MGAT4C: variants seen among roughly 807,000 people sequenced by gnomAD.
MGAT4C encodes the protein alpha-1,3-mannosyl-glycoprotein 4-beta-N-acetylglucosaminyltransferase C.
Under a neutral mutation model 40.1 loss-of-function variants are expected in MGAT4C, and 19 were observed. That is an observed-to-expected ratio of 0.47 (90% CI 0.33 to 0.70). The LOEUF (loss-of-function observed/expected upper bound fraction) is 0.70. Ranked by LOEUF, MGAT4C falls within the 30% of genes least tolerant of loss-of-function variation. The pLI is 0.02. For synonymous variants in MGAT4C, 181 were observed against 187.1 expected (o/e 0.97, Z 0.27); for missense variants, 491 against 563.2 (o/e 0.87, Z 1.30).
rs988708715 is a variant in MGAT4C at position 85,967,829 on chromosome 12, G to A, written c.*11460C>T. The A allele has an allele frequency of 6.6e-6, 1 of 152,004 alleles. No homozygotes were observed. Among genetic ancestry groups the A allele is most frequent in the African/African-American group, 2.4e-5 (1 of 41,426 alleles). 9.4% of individuals were successfully genotyped at this position (152,004 alleles called of 1,614,324 possible). A position where few individuals can be genotyped will look rare whatever the true frequency, so the allele number is the denominator to read the frequency against. On this transcript the variant is annotated 3_prime_UTR_variant, in exon 5 of 5. Transcript: ENST00000611864. ...GTGAATATGTGTGTGTGAATTATCT[G>A]TGTATATTTACATAATTTACACTAT...
At chr12:86,791,537 C>T (rs1424422308) in intron 1 of MGAT4C, among the ~76,000 whole-genome samples, 1 of 151,028 alleles carries the variant, frequency 6.6e-6, no homozygotes, top group African/African-American at 2.4e-5. Context: ...GAATAAAAAG[C>T]TTTATTTCCT....
At chr12:86,253,370 G>T (rs986438394) in intron 1 of MGAT4C, among the ~76,000 whole-genome samples, 8 of 151,714 alleles carry the variant, frequency 5.3e-5, no homozygotes, top group South Asian at 2.1e-4. Context: ...GAAAGAAAGA[G>T]AAATTGATTG....
At position 86,014,978 on chromosome 12, in the gene MGAT4C, CT is replaced by C. The variant is rs113674418; in HGVS notation, c.-6-25427del. ...TCTTTATTTTTCATTTTCTTTCTTTCTTTTTTTTTTTTTTTGGAGAGGTGGG... is the reference window on the plus strand; with the variant it reads ...TCTTTATTTTTCATTTTCTTTCTTTCTTTTTTTTTTTTTTGGAGAGGTGGG... On this transcript the variant is annotated intron_variant, in intron 2 of 4. Coordinates refer to ENST00000611864, the MANE Select transcript of MGAT4C (RefSeq NM_001351288.2). 4.2e-3 allele frequency among the ~76,000 whole-genome samples: 569 copies of C among 134,536 alleles called. 4 individuals carry two copies. Among genetic ancestry groups the C allele is most frequent in the African/African-American group, 0.012 (438 of 35,988 alleles). The allele number at this position is 134,536 out of a possible 152,430, so 88.3% of individuals were successfully genotyped here.
intron 1 of MGAT4C, among the ~76,000 whole-genome samples, chr12:86,175,515 G>A (rs1194260664): frequency 2.6e-5 from 4 of 151,986 alleles, no homozygotes; most frequent in Non-Finnish European, 5.9e-5. Flanking sequence ...GTCTTCTTCT[G>A]GTGAATCTGC....
chr12:86,687,949 T>C (rs1401620148), intron 2 of MGAT4C, among the ~76,000 whole-genome samples: 2 of 152,174 alleles, frequency 1.3e-5, no homozygotes, highest in Non-Finnish European at 2.9e-5. Context: ...AGTCTCCCAC[T>C]ATTATTGTGT....
chr12:86,686,272 G>T (rs1950070888), intron 2 of MGAT4C, among the ~76,000 whole-genome samples: 1 of 152,020 alleles, frequency 6.6e-6, no homozygotes, highest in Non-Finnish European at 1.5e-5. Context: ...AGACAATGGG[G>T]TTTTCTGCAA....
At chr12:86,383,314 G>A (rs1023572282) in intron 3 of MGAT4C, among the ~76,000 whole-genome samples, 1 of 151,910 alleles carries the variant, frequency 6.6e-6, no homozygotes, top group Admixed American at 6.6e-5. Context: ...CACTTTGGGA[G>A]GCCAAGGTGG....
chr12:86,230,745 A>T (rs1951283280), intron 1 of MGAT4C, among the ~76,000 whole-genome samples: 1 of 152,156 alleles, frequency 6.6e-6, no homozygotes, highest in Admixed American at 6.5e-5. Context: ...GCAACACAAA[A>T]GGAATTTCAC....
intron 3 of MGAT4C, among the ~76,000 whole-genome samples, chr12:85,983,899 A>G (rs1198781480): frequency 6.6e-6 from 1 of 152,162 alleles, no homozygotes; most frequent in Non-Finnish European, 1.5e-5. Context: ...GTATACCACA[A>G]TTACATTTGT....
chr12:86,413,775 C>T (rs1221410078), intron 3 of MGAT4C, among the ~76,000 whole-genome samples: 7 of 152,024 alleles, frequency 4.6e-5, no homozygotes, highest in African/African-American at 9.7e-5. Flanking sequence ...CAAGTGTGTG[C>T]GGTTTTATTT....
At chr12:86,427,632 A>G (rs997609697) in intron 3 of MGAT4C, among the ~76,000 whole-genome samples, 2 of 152,188 alleles carry the variant, frequency 1.3e-5, no homozygotes, top group East Asian at 1.9e-4. Flanking sequence ...AAGAAACTCC[A>G]TTCCATTTAT....
chr12:86,208,545 G>A (rs1950346268), intron 1 of MGAT4C, among the ~76,000 whole-genome samples: 1 of 152,102 alleles, frequency 6.6e-6, no homozygotes, highest in African/African-American at 2.4e-5. Flanking sequence ...CTTGCCAGGT[G>A]TACAAAGCAG....
chr12:86,489,538 G>A (rs1419431074), intron 2 of MGAT4C, among the ~76,000 whole-genome samples: 1 of 152,226 alleles, frequency 6.6e-6, no homozygotes, highest in Non-Finnish European at 1.5e-5. Context: ...TCTGTGGACA[G>A]CAGACCTAAA....
At chr12:86,615,714 G>C (rs1470296429) in intron 2 of MGAT4C, among the ~76,000 whole-genome samples, 1 of 152,002 alleles carries the variant, frequency 6.6e-6, no homozygotes, top group African/African-American at 2.4e-5. Flanking sequence ...AAAAAAATGA[G>C]AATAACAAAT....
intron 2 of MGAT4C, among the ~76,000 whole-genome samples, chr12:86,046,501 C>A (rs916674210): frequency 1.3e-5 from 2 of 152,078 alleles, no homozygotes; most frequent in African/African-American, 4.8e-5. Flanking sequence ...TTAGACAACC[C>A]AATAGCTGAC....
chr12:86,427,294 G>C (rs1026667568), intron 3 of MGAT4C, among the ~76,000 whole-genome samples: 1 of 152,088 alleles, frequency 6.6e-6, no homozygotes, highest in Non-Finnish European at 1.5e-5. Flanking sequence ...GAGAGGTAGA[G>C]AGTATTATAC....
chr12:86,492,200 T>C (rs544948414), intron 2 of MGAT4C, among the ~76,000 whole-genome samples: 185 of 152,268 alleles, frequency 1.2e-3, no homozygotes, highest in Non-Finnish European at 1.6e-3. Context: ...AGAATCAATA[T>C]TGTGAAAATG....
chr12:86,657,214 A>C (rs2136542983), intron 2 of MGAT4C, among the ~76,000 whole-genome samples: 1 of 152,148 alleles, frequency 6.6e-6, no homozygotes, highest in Admixed American at 6.6e-5. Flanking sequence ...GAAAAGTCTA[A>C]AAGGAATCTG....
At chr12:86,354,261 A>C (rs1277035544) in intron 3 of MGAT4C, among the ~76,000 whole-genome samples, 3 of 152,188 alleles carry the variant, frequency 2.0e-5, no homozygotes, top group African/African-American at 7.2e-5. Context: ...AGTGCAACAA[A>C]ACAAACAAAA....
Sources: gnomAD v4.1 joint callset for allele counts (sites outside exome capture counted in the v4.1 genomes callset) on GRCh38, gnomAD v4.1.1 for gene constraint, MANE v1.5 for transcripts, NCBI Gene and HGNC (gene_info 2026-07-23, HGNC 2026-07-21) for gene names.